PIK3C2G: variants seen among roughly 807,000 people sequenced by gnomAD.
PIK3C2G encodes phosphatidylinositol 3-kinase C2 domain-containing subunit gamma.
Under a neutral mutation model 181.1 loss-of-function variants are expected in PIK3C2G, and 168 were observed. That is an observed-to-expected ratio of 0.93 (90% CI 0.82 to 1.05). The LOEUF is 1.05. Ranked by LOEUF, PIK3C2G falls within the 50% of genes least tolerant of loss-of-function variation. The pLI is 0.00. For missense variants in PIK3C2G, 1,869 were observed against 1,732.8 expected (o/e 1.08, Z -1.40); for synonymous variants, 573 against 592.2 (o/e 0.97, Z 0.47).
intron 31 of PIK3C2G, among the ~76,000 whole-genome samples, chr12:18,621,410 AT>A (rs1339010143): frequency 2.6e-5 from 4 of 151,880 alleles, no homozygotes; most frequent in African/African-American, 9.7e-5. Context: ...TCTAATTAGA[AT>A]TCTGAATTTT....
At chr12:18,486,027 G>C (rs1310464365) in intron 18 of PIK3C2G, among the ~76,000 whole-genome samples, 2 of 152,178 alleles carry the variant, frequency 1.3e-5, no homozygotes. Context: ...GTTGTTTAAA[G>C]TTAAGGGGCA....
chr12:18,319,365 G>A (rs1951006920), intron 6 of PIK3C2G, among the ~76,000 whole-genome samples: 4 of 151,758 alleles, frequency 2.6e-5, no homozygotes, highest in African/African-American at 9.7e-5. Flanking sequence ...TTTCCTTAAG[G>A]CCAAGGTATG....
At chr12:18,637,297 G>A in intron 31 of PIK3C2G, among the ~76,000 whole-genome samples, 1 of 152,088 alleles carries the variant, frequency 6.6e-6, no homozygotes, top group East Asian at 1.9e-4. Context: ...CTTCATTCAA[G>A]GGTTTCTGGA....
At chr12:18,494,597 A>T (rs1940849920) in intron 20 of PIK3C2G, among the ~76,000 whole-genome samples, 2 of 152,156 alleles carry the variant, frequency 1.3e-5, no homozygotes, top group Admixed American at 1.3e-4. Flanking sequence ...GGTGGTAGTT[A>T]AAAAGATAGG....
chr12:18,693,483 C>A, the PIK3C2G span: 39 of 1,608,508 alleles, frequency 2.4e-5, 1 homozygote, highest in South Asian at 3.8e-4. Flanking sequence ...ACCTTGTTAG[C>A]CAAAGCAGTA....
At chr12:18,299,558 T>C (rs1447281574) in intron 5 of PIK3C2G, among the ~76,000 whole-genome samples, 1 of 151,912 alleles carries the variant, frequency 6.6e-6, no homozygotes, top group Non-Finnish European at 1.5e-5. Flanking sequence ...AATTGTTGTG[T>C]GTAGGACTTC....
the PIK3C2G span, among the ~76,000 whole-genome samples, chr12:18,671,678 T>C: frequency 6.6e-6 from 1 of 152,150 alleles, no homozygotes; most frequent in Non-Finnish European, 1.5e-5. Context: ...GCAGACAATT[T>C]ATGGAAAGGA....
chr12:18,673,547 C>T, the PIK3C2G span, among the ~76,000 whole-genome samples: 1 of 152,164 alleles, frequency 6.6e-6, no homozygotes. Context: ...TATCTCCCCA[C>T]AAAGAAAAGA....
chr12:18,535,964 G>A lies in PIK3C2G; in HGVS notation c.3324-2192G>A, dbSNP rs570530452. On this transcript the variant is annotated intron_variant, in intron 24 of 32. Coordinates refer to ENST00000538779, the MANE Select transcript of PIK3C2G (RefSeq NM_001288772.2). ...CACACACCAGGGCCTGCTGTGGGGT[G>A]GGGGAAGAGGGGTAGGGATAGCATT... 2.9e-4 allele frequency among the ~76,000 whole-genome samples: 23 copies of A among 79,286 alleles called. No individual in the cohort carries two copies. In the East Asian group the frequency reaches 0.039, roughly 136 times the overall value. The allele number at this position is 79,286 out of a possible 152,430, so 52.0% of individuals were successfully genotyped here.
chr12:18,421,086 T>G, intron 17 of PIK3C2G, 52 bp downstream of exon 17: 2 of 994,242 alleles, frequency 2.0e-6, no homozygotes, highest in Non-Finnish European at 3.2e-6. Flanking sequence ...TAATTATCTC[T>G]AAAAGGTTCC....
intron 30 of PIK3C2G, among the ~76,000 whole-genome samples, chr12:18,607,575 T>C (rs1251569048): frequency 6.6e-6 from 1 of 152,136 alleles, no homozygotes; most frequent in Non-Finnish European, 1.5e-5. Flanking sequence ...ACTTAAATGT[T>C]AGACCTAAAA....
At chr12:18,607,868 C>T (rs1041927562) in intron 30 of PIK3C2G, among the ~76,000 whole-genome samples, 5 of 152,148 alleles carry the variant, frequency 3.3e-5, no homozygotes, top group African/African-American at 1.2e-4. Context: ...AAACAGACAA[C>T]CCCATCAACA....
chr12:18,344,224 A>G (rs1318634670), intron 10 of PIK3C2G, among the ~76,000 whole-genome samples: 1 of 152,122 alleles, frequency 6.6e-6, no homozygotes, highest in African/African-American at 2.4e-5. Context: ...AGAACAATCC[A>G]TTGGAAAGCA....
chr12:18,577,080 A>G (rs1031922608), intron 29 of PIK3C2G, among the ~76,000 whole-genome samples: 2 of 152,234 alleles, frequency 1.3e-5, no homozygotes, highest in Non-Finnish European at 2.9e-5. Flanking sequence ...GGTGTGAAGA[A>G]GGTGAATATT....
chr12:18,530,870 C>G (rs934533975), intron 24 of PIK3C2G, among the ~76,000 whole-genome samples: 11 of 152,110 alleles, frequency 7.2e-5, no homozygotes, highest in Non-Finnish European at 1.3e-4. Context: ...TCCTGTACAG[C>G]TGGTAGAACT....
chr12:18,670,238 G>A, the PIK3C2G span, among the ~76,000 whole-genome samples: 41 of 152,078 alleles, frequency 2.7e-4, no homozygotes, highest in Middle Eastern at 6.8e-3. Context: ...TTTCAGAAGA[G>A]TTGTTTTATC....
chr12:18,590,857 A>G (rs1396872150), intron 29 of PIK3C2G, among the ~76,000 whole-genome samples: 1 of 151,962 alleles, frequency 6.6e-6, no homozygotes, highest in South Asian at 2.1e-4. Flanking sequence ...GTATTTAGTC[A>G]TCCACACCCA....
the PIK3C2G span, among the ~76,000 whole-genome samples, chr12:18,709,480 G>T: frequency 6.6e-6 from 1 of 151,792 alleles, no homozygotes; most frequent in Non-Finnish European, 1.5e-5. Context: ...TCATTTCTCA[G>T]AATTATTTTG....
At chr12:18,406,000 T>C (rs1944507759) in intron 16 of PIK3C2G, among the ~76,000 whole-genome samples, 1 of 152,170 alleles carries the variant, frequency 6.6e-6, no homozygotes, top group Non-Finnish European at 1.5e-5. Context: ...TACTGAAATG[T>C]TGTACCCTTT....
Sources: allele counts gnomAD v4.1 joint callset (sites outside exome capture counted in the v4.1 genomes callset), GRCh38; gene constraint gnomAD v4.1.1; transcripts MANE v1.5; gene names NCBI Gene and HGNC (gene_info 2026-07-23, HGNC 2026-07-21).